The following GAS2 variants were observed in gnomAD, a reference collection of about 807,000 sequenced individuals.
The protein encoded by GAS2 is growth arrest specific 2, also known as growth arrest-specific protein 2.
A neutral mutation model predicts 37.5 loss-of-function variants in GAS2; 20 were observed. That is an observed-to-expected ratio of 0.53 (90% CI 0.37 to 0.77). GAS2 has a LOEUF of 0.77. GAS2 is among the 30% of genes least tolerant of loss of function. GAS2 has a pLI of 0.00. For synonymous variants in GAS2, 144 were observed against 132.2 expected, an observed-to-expected ratio of 1.09 and a Z score of -0.61; for missense variants, 336 against 373.4, an observed-to-expected ratio of 0.90 and a Z score of 0.82.
At chr11:22,781,757 G>GGATTTT (rs6144253) in intron 7 of GAS2, among the ~76,000 whole-genome samples, 2,742 of 152,148 alleles carry the variant, frequency 0.018, 73 homozygotes, top group African/African-American at 0.063. Context: ...TATATTTTTT[G>GGATTTT]GAATTGTTTT....
chr11:22,775,312 G>A (rs1214470309), intron 7 of GAS2, among the ~76,000 whole-genome samples: 1 of 152,124 alleles, frequency 6.6e-6, no homozygotes, highest in African/African-American at 2.4e-5. Flanking sequence ...CAAGAGGGTG[G>A]CAGCTCATTC....
At chr11:22,696,943 T>C (rs1302009890) in intron 3 of GAS2, among the ~76,000 whole-genome samples, 1 of 148,494 alleles carries the variant, frequency 6.7e-6, no homozygotes, top group Non-Finnish European at 1.5e-5. Context: ...AGCTCTTTAG[T>C]TTAATTAGAT....
At chr11:22,771,599 C>G (rs1199559339) in intron 7 of GAS2, among the ~76,000 whole-genome samples, 2 of 152,058 alleles carry the variant, frequency 1.3e-5, no homozygotes, top group Non-Finnish European at 2.9e-5. Flanking sequence ...AAAACTGGCT[C>G]ATTTTTAGTT....
At chr11:22,757,155 A>C (rs1590095973) in intron 7 of GAS2, among the ~76,000 whole-genome samples, 1 of 152,108 alleles carries the variant, frequency 6.6e-6, no homozygotes, top group Non-Finnish European at 1.5e-5. Context: ...TTAATAAATT[A>C]TATACTTCTC....
At position 22,789,457 on chromosome 11, in the gene GAS2, CTTT is replaced by C. The variant is rs71037529; in HGVS notation, c.724-22321_724-22319del. Among the ~76,000 whole-genome samples the C allele has an allele frequency of 4.9e-3, 155 of 31,412 alleles. 12 individuals are homozygous for C. The highest frequency in any genetic ancestry group is 7.4e-3 in the Non-Finnish European group (131 of 17,680). 20.6% of individuals were successfully genotyped at this position (31,412 alleles called of 152,430 possible). On this transcript the variant is annotated intron_variant, in intron 7 of 7. Coordinates refer to ENST00000454584, the MANE Select transcript of GAS2 (RefSeq NM_001143830.3). ...ATATATATATATATATATATATATT[CTTT>C]TTTTTTTTTTTTTTTTTTTGAGGCA...
intron 7 of GAS2, among the ~76,000 whole-genome samples, chr11:22,759,687 T>G (rs1002006763): frequency 2.6e-5 from 4 of 152,244 alleles, no homozygotes; most frequent in Non-Finnish European, 5.9e-5. Context: ...CCTTCTGATT[T>G]CTGCAGTAAC....
At chr11:22,745,723 A>G (rs114330540) in intron 5 of GAS2, among the ~76,000 whole-genome samples, 2,110 of 152,332 alleles carry the variant, frequency 0.014, 57 homozygotes, top group African/African-American at 0.048. Flanking sequence ...TCCAGAATCC[A>G]TAAGAAACTT....
chr11:22,782,803 T>C (rs1017145232), intron 7 of GAS2, among the ~76,000 whole-genome samples: 3 of 147,074 alleles, frequency 2.0e-5, no homozygotes, highest in Non-Finnish European at 4.5e-5. Flanking sequence ...AGTGTCTACG[T>C]ACCATGGTAT....
At chr11:22,735,793 T>C (rs1451678651) in intron 4 of GAS2, among the ~76,000 whole-genome samples, 1 of 151,854 alleles carries the variant, frequency 6.6e-6, no homozygotes, top group Non-Finnish European at 1.5e-5. Context: ...CACAATTTAG[T>C]CAGTTAACTA....
At chr11:22,691,705 G>A (rs894958791) in intron 3 of GAS2, among the ~76,000 whole-genome samples, 26 of 152,114 alleles carry the variant, frequency 1.7e-4, no homozygotes, top group African/African-American at 6.3e-4. Context: ...TTTTTTATAG[G>A]TATGTTGCTG....
At chr11:22,675,093 A>G in intron 2 of GAS2, 79 bp downstream of exon 2, 2 of 1,398,026 alleles carry the variant, frequency 1.4e-6, no homozygotes, top group Non-Finnish European at 1.9e-6. Context: ...TCCTTCACCT[A>G]AGCATGTGAT....
chr11:22,694,406 C>G (rs1850397314), intron 3 of GAS2, among the ~76,000 whole-genome samples: 2 of 152,168 alleles, frequency 1.3e-5, no homozygotes, highest in Non-Finnish European at 2.9e-5. Context: ...ATTTCAATAA[C>G]AGCTCCTGAG....
At chr11:22,667,342 A>T (rs1849024819) in intron 1 of GAS2, 1 of 152,208 alleles carries the variant, frequency 6.6e-6, no homozygotes, top group African/African-American at 2.4e-5. Context: ...GGTGGGATAG[A>T]GCCAGAATGG....
intron 7 of GAS2, among the ~76,000 whole-genome samples, chr11:22,793,005 T>C (rs1856244407): frequency 6.6e-6 from 1 of 152,340 alleles, no homozygotes; most frequent in Non-Finnish European, 1.5e-5. Flanking sequence ...CTGAGCATGG[T>C]GGCTCAGCCT....
At chr11:22,753,120 C>G (rs891713316) in intron 6 of GAS2, among the ~76,000 whole-genome samples, 1 of 152,078 alleles carries the variant, frequency 6.6e-6, no homozygotes, top group Non-Finnish European at 1.5e-5. Flanking sequence ...TAGTATAATT[C>G]TGAGTAATCA....
intron 7 of GAS2, among the ~76,000 whole-genome samples, chr11:22,805,277 A>G (rs746648388): frequency 6.6e-5 from 10 of 152,168 alleles, no homozygotes; most frequent in Non-Finnish European, 1.0e-4. Flanking sequence ...ATCATGTATA[A>G]CGTAAAGTTT....
intron 5 of GAS2, among the ~76,000 whole-genome samples, chr11:22,746,440 C>A (rs550704241): frequency 3.3e-5 from 5 of 152,206 alleles, no homozygotes; most frequent in East Asian, 1.9e-4. Context: ...TTCACAATAG[C>A]AAAGATGTGG....
intron 1 of GAS2, among the ~76,000 whole-genome samples, chr11:22,670,503 ATTTAGAGTTC>A (rs1849157484): frequency 6.6e-6 from 1 of 152,108 alleles, no homozygotes; most frequent in African/African-American, 2.4e-5. Flanking sequence ...TTTCTTAATT[ATTTAGAGTTC>A]TATAAAATAT....
intron 7 of GAS2, among the ~76,000 whole-genome samples, chr11:22,806,335 G>GC (rs1856883585): frequency 6.6e-6 from 1 of 151,936 alleles, no homozygotes; most frequent in African/African-American, 2.4e-5. Flanking sequence ...CATTTTCTCT[G>GC]CCCATTCATC....
Sources: gnomAD v4.1 joint callset for allele counts (sites outside exome capture counted in the v4.1 genomes callset) on GRCh38, gnomAD v4.1.1 for gene constraint, MANE v1.5 for transcripts, NCBI Gene and HGNC (gene_info 2026-07-23, HGNC 2026-07-21) for gene names.